Variants in TMCC1 observed in about 807,000 individuals in gnomAD.
TMCC1 encodes the protein transmembrane and coiled-coil domain family 1.
In TMCC1, 15 loss-of-function variants were observed where a neutral mutation model predicts 52.4. The observed-to-expected ratio is 0.29, with a 90% CI of 0.19 to 0.44. The LOEUF (loss-of-function observed/expected upper bound fraction) is 0.44, where lower values mean the gene tolerates loss of function less well. Among genes scored for constraint, TMCC1 ranks in the 20% least tolerant of loss-of-function variants. The pLI is 1.00. For synonymous variants in TMCC1, 279 were observed against 301.9 expected, an observed-to-expected ratio of 0.92 and a Z score of 0.79; for missense variants, 503 against 806.0, an observed-to-expected ratio of 0.62 and a Z score of 4.55.
At chr3:129,831,079 C>T (rs1203662921) in intron 3 of TMCC1, among the ~76,000 whole-genome samples, 1 of 152,046 alleles carries the variant, frequency 6.6e-6, no homozygotes, top group African/African-American at 2.4e-5. Context: ...GGATTACAGG[C>T]ACGTGCCACC....
intron 1 of TMCC1, among the ~76,000 whole-genome samples, chr3:129,882,305 T>A: frequency 6.7e-6 from 1 of 149,166 alleles, no homozygotes; most frequent in African/African-American, 2.5e-5. Flanking sequence ...AAAACTACAA[T>A]CAGATACCAC....
At chr3:129,793,079 A>G (rs1197810453) in intron 4 of TMCC1, among the ~76,000 whole-genome samples, 1 of 152,144 alleles carries the variant, frequency 6.6e-6, no homozygotes, top group Non-Finnish European at 1.5e-5. Flanking sequence ...AATGTACTAT[A>G]TATATGAAAA....
intron 1 of TMCC1, among the ~76,000 whole-genome samples, chr3:129,883,646 T>TA (rs1560616343): frequency 6.6e-6 from 1 of 152,186 alleles, no homozygotes; most frequent in South Asian, 2.1e-4. Flanking sequence ...GTTAAAATGG[T>TA]AAATTTTTAA....
At chr3:129,665,146 A>G (rs1037760953) in intron 5 of TMCC1, among the ~76,000 whole-genome samples, 1 of 152,220 alleles carries the variant, frequency 6.6e-6, no homozygotes, top group Non-Finnish European at 1.5e-5. Flanking sequence ...CACAATGGTA[A>G]AACTCAATAC....
At chr3:129,777,810 A>C (rs147331243) in intron 4 of TMCC1, among the ~76,000 whole-genome samples, 213 of 152,334 alleles carry the variant, frequency 1.4e-3, no homozygotes, top group African/African-American at 5.0e-3. Flanking sequence ...CAGATTCCTC[A>C]GAAATATTAA....
At chr3:129,789,179 C>T (rs544841941) in intron 4 of TMCC1, among the ~76,000 whole-genome samples, 8 of 152,296 alleles carry the variant, frequency 5.3e-5, no homozygotes, top group Admixed American at 3.9e-4. Context: ...TATTATACTA[C>T]TTCACTGTAC....
intron 1 of TMCC1, among the ~76,000 whole-genome samples, chr3:129,885,390 C>A (rs1456622141): frequency 6.6e-6 from 1 of 151,912 alleles, no homozygotes; most frequent in African/African-American, 2.4e-5. Flanking sequence ...GAGTTCAAGA[C>A]CGGCCTGACC....
intron 2 of TMCC1, among the ~76,000 whole-genome samples, chr3:129,863,248 A>T (rs2060474524): frequency 6.6e-6 from 1 of 152,206 alleles, no homozygotes; most frequent in South Asian, 2.1e-4. Flanking sequence ...AAAGATCTGG[A>T]AATTATACCT....
intron 4 of TMCC1, among the ~76,000 whole-genome samples, chr3:129,735,341 T>C (rs1412750269): frequency 1.3e-5 from 2 of 152,036 alleles, no homozygotes; most frequent in African/African-American, 4.8e-5. Context: ...GCCAAAAAAG[T>C]GTGTTTAAGC....
intron 4 of TMCC1, among the ~76,000 whole-genome samples, chr3:129,801,694 A>C (rs1381368271): frequency 6.6e-6 from 1 of 152,104 alleles, no homozygotes; most frequent in Non-Finnish European, 1.5e-5. Flanking sequence ...TCGGCCTCCA[A>C]AAGTTGCTGG....
chr3:129,830,771 G>A (rs771051178), intron 3 of TMCC1, among the ~76,000 whole-genome samples: 30 of 152,098 alleles, frequency 2.0e-4, no homozygotes, highest in Admixed American at 5.2e-4. Flanking sequence ...CATATGCAAA[G>A]GTACTAGGAA....
intron 4 of TMCC1, among the ~76,000 whole-genome samples, chr3:129,680,963 C>T (rs2088921758): frequency 1.3e-5 from 2 of 151,560 alleles, no homozygotes; most frequent in South Asian, 4.2e-4. Flanking sequence ...GTGATTACAT[C>T]CTTTCTCCTA....
chr3:129,800,722 T>G (rs182829331), intron 4 of TMCC1, among the ~76,000 whole-genome samples: 151 of 152,188 alleles, frequency 9.9e-4, no homozygotes, highest in African/African-American at 3.4e-3. Context: ...CTCCAAGTAG[T>G]CATATTTTGC....
intron 4 of TMCC1, among the ~76,000 whole-genome samples, chr3:129,784,165 CT>C (rs540969413): frequency 5.4e-5 from 8 of 148,666 alleles, no homozygotes; most frequent in Admixed American, 6.7e-5. Flanking sequence ...ATTCATGAAA[CT>C]TTTTTTTTTA....
chr3:129,701,934 A>T (rs1295699483), intron 4 of TMCC1, among the ~76,000 whole-genome samples: 1 of 152,226 alleles, frequency 6.6e-6, no homozygotes, highest in East Asian at 1.9e-4. Flanking sequence ...TATTTCATAA[A>T]ATAAAATGAT....
chr3:129,687,541 C>T (rs9815366), intron 4 of TMCC1, among the ~76,000 whole-genome samples: 149,795 of 152,346 alleles, frequency 0.98, 73,702 homozygotes, highest in Non-Finnish European at 1. Flanking sequence ...TCTCTAATAA[C>T]GGCTAATATG....
intron 4 of TMCC1, among the ~76,000 whole-genome samples, chr3:129,789,284 T>G (rs1488624632): frequency 9.9e-5 from 15 of 152,176 alleles, no homozygotes; most frequent in Admixed American, 7.9e-4. Context: ...TCAAAATACT[T>G]TTAAACAACC....
At chr3:129,655,900 A>G (rs1281951792) in intron 5 of TMCC1, among the ~76,000 whole-genome samples, 3 of 152,226 alleles carry the variant, frequency 2.0e-5, no homozygotes, top group Non-Finnish European at 2.9e-5. Flanking sequence ...GGTTTAAAGG[A>G]TGAGATCAGA....
intron 4 of TMCC1, among the ~76,000 whole-genome samples, chr3:129,819,326 G>A (rs376570841): frequency 2.6e-5 from 4 of 151,968 alleles, no homozygotes; most frequent in African/African-American, 9.6e-5. Context: ...CAGGTGATCC[G>A]CCCGCCTCGG....
Sources: gnomAD v4.1 joint callset for allele counts (sites outside exome capture counted in the v4.1 genomes callset) on GRCh38, gnomAD v4.1.1 for gene constraint, MANE v1.5 for transcripts, NCBI Gene and HGNC (gene_info 2026-07-23, HGNC 2026-07-21) for gene names.